PLIN4: variants seen among roughly 807,000 people sequenced by gnomAD.
The protein encoded by PLIN4 is perilipin-4.
Under a neutral mutation model 52.4 loss-of-function variants are expected in PLIN4, and 57 were observed. The ratio of observed to expected loss-of-function variants is 1.09; its 90% confidence interval spans 0.88 to 1.36. PLIN4 has a LOEUF of 1.36. PLIN4 is among the 40% of genes most tolerant of loss of function. The pLI is 0.00. For missense variants in PLIN4, 1,757 were observed against 1,770.3 expected (o/e 0.99, Z 0.13); for synonymous variants, 826 against 785.4 (o/e 1.05, Z -0.86).
rs1163861511 is a variant in PLIN4 at position 4,518,387 on chromosome 19, G to A, written c.-20C>T. ...AGCCTGAGCAGCCCGACACCCACCT[G>A]CAGGCCTGGCCTCACCCTGGTGTCA... On this transcript the variant is annotated splice_region_variant and 5_prime_UTR_variant, in exon 1 of 8. Transcript: ENST00000301286. 3 of 1,230,828 alleles carry A rather than the reference G, an allele frequency of 2.4e-6. No homozygotes were observed. The highest frequency in any genetic ancestry group is 3.0e-6 in the Non-Finnish European group (3 of 987,624). 76.2% of individuals were successfully genotyped at this position (1,230,828 alleles called of 1,614,324 possible).
At chr19:4,514,880 T>TA (rs74173009) in intron 4 of PLIN4, among the ~76,000 whole-genome samples, 1,839 of 140,616 alleles carry the variant, frequency 0.013, 48 homozygotes, top group African/African-American at 0.042. Context: ...ACCCCATCTT[T>TA]AAAAAAAAAA....
rs764366417 is a variant in PLIN4 at position 4,512,138 on chromosome 19, C to A, written c.1822G>T (p.Ala608Ser). The A allele has an allele frequency of 1.9e-6, 3 of 1,608,946 alleles. No homozygotes were observed. In the Admixed American group the frequency reaches 5.0e-5, roughly 27 times the overall value. The change falls in exon 5 of 8, where the codon GCA becomes TCA. Residue 608 changes from alanine to serine, a missense_variant. Physicochemically the swap from Ala to Ser is moderately conservative, Grantham distance 99. This residue lies in a region of PLIN4 where 439 missense variants were observed against 406.4 expected (regional missense o/e 1.08). Coordinates refer to ENST00000301286, the MANE Select transcript of PLIN4 (RefSeq NM_001367868.2). Reference protein sequence around the residue: ...KDTVTTGLVGAVNVAKGTVQT... With the variant: ...KDTVTTGLVGSVNVAKGTVQT... ...ACGGTCCCTTTGGCGACATTCACTG[C>A]CCCCACGAGCCCAGTAGTCACTGTG... is the stretch of plus-strand genomic sequence containing the variant.
In PLIN4 at chr19:4,511,455, C is replaced by T. The variant is rs760977812; in HGVS notation, c.2505G>A (p.Gly835=). Residue 835 remains glycine (G), a synonymous_variant, in exon 5 of 8, where the codon GGG becomes GGA. Coordinates refer to ENST00000301286, the MANE Select transcript of PLIN4 (RefSeq NM_001367868.2). ...LTGTKDTVCS[G]VTGAANVAKG... is the part of the protein sequence containing the mutation. The stretch of plus-strand genomic sequence containing the variant: ...TGGCCACGTTCGCAGCACCGGTGAC[C>T]CCACTGCAGACAGTGTCCTTGGTAC... The T allele has an allele frequency of 2.6e-6, 4 of 1,539,084 alleles. No individual in the cohort carries two copies. In the African/African-American group the frequency reaches 4.4e-5, roughly 17 times the overall value.
rs1227637312 is a variant in PLIN4, at chr19:4,502,907, T to C, written c.*1552A>G. 6.6e-6 allele frequency: 1 copy of C among 152,390 alleles called. No individual in the cohort carries two copies. Among genetic ancestry groups the C allele is most frequent in the East Asian group, 1.9e-4 (1 of 5,174 alleles). The allele number at this position is 152,390 out of a possible 1,614,324, so 9.4% of individuals were successfully genotyped here. A position where few individuals can be genotyped will look rare whatever the true frequency, so the allele number is the denominator to read the frequency against. Reference sequence around the variant, plus strand: ...AGGCTGTGGTGTGGCGGGAAGGGACTTCCTGAGCTGCGGCCCCATGCTTGG... The same window carrying C: ...AGGCTGTGGTGTGGCGGGAAGGGACCTCCTGAGCTGCGGCCCCATGCTTGG... On this transcript the variant is annotated 3_prime_UTR_variant, in exon 8 of 8. Coordinates refer to ENST00000301286, the MANE Select transcript of PLIN4 (RefSeq NM_001367868.2).
At chr19:4,517,324 G>A (rs886338199) in intron 3 of PLIN4, among the ~76,000 whole-genome samples, 4 of 448 alleles carry the variant, frequency 8.9e-3, no homozygotes, top group African/African-American at 0.038. Flanking sequence ...GGACTGAGTG[G>A]GGGGGCATTG....
chr19:4,505,798 C>G (rs1219127734), intron 6 of PLIN4, among the ~76,000 whole-genome samples: 1 of 152,040 alleles, frequency 6.6e-6, no homozygotes, highest in Non-Finnish European at 1.5e-5. Flanking sequence ...TATGCAGACG[C>G]GTCCCCTCGG....
At position 4,516,617 on chromosome 19, in the gene PLIN4, C is replaced by T. The variant is rs751185258; in HGVS notation, c.258G>A (p.Lys86=). Residue 86 remains lysine, a splice_region_variant and synonymous_variant, in exon 4 of 8, where the codon AAG becomes AAA. Transcript: ENST00000301286. ...WTEKELQPSE[K]MVSGAKDLVC... ...GACCCTGCCCTGCACATCCTCTCAC[C>T]TTTTCCGAAGGTTGCAGCTCCTTCT... 2 of 1,603,216 alleles carry T rather than the reference C, an allele frequency of 1.2e-6. No individual in the cohort carries two copies. Among genetic ancestry groups the T allele is most frequent in the Non-Finnish European group, 1.7e-6 (2 of 1,175,030 alleles).
At position 4,517,715 on chromosome 19, in the gene PLIN4, G is replaced by A. The variant is rs1314132518; in HGVS notation, c.52-17C>T. The A allele has an allele frequency of 8.9e-6, 14 of 1,571,128 alleles. No individual in the cohort carries two copies. The highest frequency in any genetic ancestry group is 1.0e-5 in the Non-Finnish European group (12 of 1,158,674). ...GCCCAGGGTCTGCATGGGGGCGGGG[G>A]GTGTGCAGGATGAGCAGGCCAAGCC... On this transcript the variant is annotated splice_polypyrimidine_tract_variant and intron_variant, in intron 2 of 7. Transcript: ENST00000301286.
chr19:4,517,596 TGG>T lies in PLIN4; in HGVS notation c.152_153del (p.Pro51HisfsTer67). Reference protein sequence around the residue: ...SSARARPAADPTGAPAAEAAQ... With the variant: ...SSARARPAADXTGAPAAEAAQ... ...GCAGCCTCGGCAGCAGGCGCTCCTGTGGGGTCAGCGGCCGGCCGGGCTCTCGC... is the reference window on the plus strand; with the variant it reads ...GCAGCCTCGGCAGCAGGCGCTCCTGTGGTCAGCGGCCGGCCGGGCTCTCGC... On this transcript the variant is annotated frameshift_variant, in exon 3 of 8. Coordinates refer to ENST00000301286, the MANE Select transcript of PLIN4 (RefSeq NM_001367868.2). LOFTEE classifies it high-confidence loss of function. 1 of 1,611,128 alleles carries T rather than the reference TGG, an allele frequency of 6.2e-7. No homozygotes were observed. Among genetic ancestry groups the T allele is most frequent in the Non-Finnish European group, 8.5e-7 (1 of 1,179,368 alleles).
At position 4,513,489 on chromosome 19, in the gene PLIN4, A is replaced by T. The variant is rs1326943706; in HGVS notation, c.471T>A (p.Gly157=). The T allele has an allele frequency of 1.2e-6, 2 of 1,611,964 alleles. No homozygotes were observed. The highest frequency in any genetic ancestry group is 1.7e-6 in the Non-Finnish European group (2 of 1,179,536). Residue 157 remains glycine, a synonymous_variant, in exon 5 of 8, where the codon GGT becomes GGA. Coordinates refer to ENST00000301286, the MANE Select transcript of PLIN4 (RefSeq NM_001367868.2). The stretch of plus-strand genomic sequence containing the variant: ...TGAGGACAGCCTTCGAGGTGTCCAG[A>T]CCCCCTTGGACGGCCCCCTTAGCCA... ...MDMAKGAVQG[G]LDTSKAVLTG...
Position 4,511,169 on chromosome 19 carries a change from C to T in PLIN4, c.2791G>A (p.Val931Ile), listed in dbSNP as rs115537722. Reference sequence around the variant, plus strand: ...ACGGCACCAGTGACTCCACTGCAGACGGTGTCCTTGGTACCGGTCAGGACA... The same window carrying T: ...ACGGCACCAGTGACTCCACTGCAGATGGTGTCCTTGGTACCGGTCAGGACA... Reference protein sequence around the residue: ...KTVLTGTKDTVCSGVTGAVNV... With the variant: ...KTVLTGTKDTICSGVTGAVNV... The change falls in exon 5 of 8, where the codon GTC (valine) becomes ATC (isoleucine). Residue 931 changes from valine (V) to isoleucine (I), a missense_variant. Around this residue, in one of 7 missense-constraint regions of PLIN4, gnomAD observed 712 missense variants for 637.1 expected, o/e 1.12. Coordinates refer to ENST00000301286, the MANE Select transcript of PLIN4 (RefSeq NM_001367868.2). The T allele has an allele frequency of 0.017, 27,129 of 1,612,546 alleles. 396 individuals carry two copies. The highest frequency in any genetic ancestry group is 0.045 in the South Asian group (4,086 of 90,948).
Position 4,504,371 on chromosome 19 carries a change from C to T in PLIN4, c.*88G>A, listed in dbSNP as rs2145240224. On this transcript the variant is annotated 3_prime_UTR_variant, in exon 8 of 8. Transcript: ENST00000301286. ...GGTCTAGGGCTTTAGGGAACCGATC[C>T]AGGTTTGGGGGCGGGGAGAAAGTTC... The T allele has an allele frequency of 2.3e-6, 3 of 1,304,698 alleles. No homozygotes were observed. Among genetic ancestry groups the T allele is most frequent in the African/African-American group, 1.5e-5 (1 of 67,296 alleles). The allele number at this position is 1,304,698 out of a possible 1,614,324, so 80.8% of individuals were successfully genotyped here.
In PLIN4 at chr19:4,511,437, G is replaced by C; in HGVS notation, c.2523C>G (p.Asn841Lys). 2.1e-6 allele frequency: 3 copies of C among 1,424,468 alleles called. No homozygotes were observed. The highest frequency in any genetic ancestry group is 2.8e-6 in the Non-Finnish European group (3 of 1,067,432). 88.2% of individuals were successfully genotyped at this position (1,424,468 alleles called of 1,614,324 possible). A position where few individuals can be genotyped will look rare whatever the true frequency, so the allele number is the denominator to read the frequency against. Residue 841 changes from asparagine (N) to lysine (K), a missense_variant, in exon 5 of 8, where the codon AAC (asparagine) becomes AAG (lysine). Asn to Lys is a moderately conservative substitution (Grantham distance 94, BLOSUM62 0). Around this residue, in one of 7 missense-constraint regions of PLIN4, gnomAD observed 76 missense variants for 109.1 expected, o/e 0.70. Transcript: ENST00000301286. ...CAGTTTGCACAGCACCCTTGGCCAC[G>C]TTCGCAGCACCGGTGACCCCACTGC... The part of the protein sequence containing the change: ...TVCSGVTGAA[N>K]VAKGAVQTGL...
rs1052135940 is a variant in PLIN4 at position 4,517,658 on chromosome 19, G to C, written c.92C>G (p.Ser31Cys). 3 of 1,605,010 alleles carry C rather than the reference G, an allele frequency of 1.9e-6. No homozygotes were observed. Among genetic ancestry groups the C allele is most frequent in the Non-Finnish European group, 2.5e-6 (3 of 1,176,486 alleles). The change falls in exon 3 of 8, where the codon TCT (serine) becomes TGT (cysteine). Residue 31 changes from serine to cysteine, a missense_variant. Around this residue, in one of 7 missense-constraint regions of PLIN4, gnomAD observed 332 missense variants for 310.8 expected, o/e 1.07. Transcript: ENST00000301286. Reference sequence around the variant, plus strand: ...TGCGTTGGCCACCAGGTTCCGGGCAGAGCTGAAGCCAGGCAGGGACCCAAA... The same window carrying C: ...TGCGTTGGCCACCAGGTTCCGGGCACAGCTGAAGCCAGGCAGGGACCCAAA... ...SFFGSLPGFS[S>C]ARNLVANAHS...
At chr19:4,506,245 C>A (rs747029721) in intron 6 of PLIN4, among the ~76,000 whole-genome samples, 1 of 152,194 alleles carries the variant, frequency 6.6e-6, no homozygotes, top group African/African-American at 2.4e-5. Context: ...CCTCCTCACT[C>A]GGCTCCAGCC....
In PLIN4 at chr19:4,504,469, C is replaced by T. The variant is rs1351581164; in HGVS notation, c.4106G>A (p.Gly1369Asp). The T allele has an allele frequency of 6.3e-7, 1 of 1,577,034 alleles. No homozygotes were observed. Among genetic ancestry groups the T allele is most frequent in the Non-Finnish European group, 8.6e-7 (1 of 1,159,204 alleles). ...TGCAGGCTCCTACAGCTACTGCCCG[C>T]CAGCGGGCAAGGCGAAGGGCCCTAC... is the stretch of plus-strand genomic sequence containing the variant. ...WLVGPFALPA[G>D]GQ The change falls in exon 8 of 8, where the codon GGC becomes GAC. Residue 1369 changes from glycine (G) to aspartate (D), a missense_variant. By Grantham distance (94) the Gly-to-Asp change is moderately conservative. Transcript: ENST00000301286.
intron 6 of PLIN4, among the ~76,000 whole-genome samples, chr19:4,506,370 C>T (rs369521980): frequency 2.0e-5 from 3 of 152,318 alleles, no homozygotes; most frequent in Admixed American, 6.5e-5. Context: ...CGCACTCCCT[C>T]TCTGTCATTT....
intron 4 of PLIN4, among the ~76,000 whole-genome samples, chr19:4,516,089 A>G (rs1343100463): frequency 1.5e-5 from 2 of 134,350 alleles, no homozygotes; most frequent in African/African-American, 8.1e-5. Flanking sequence ...AGCCTGGTGA[A>G]ACCAACATGG....
chr19:4,517,630 A>G lies in PLIN4; in HGVS notation c.120T>C (p.His40=), dbSNP rs1976623352. 2 of 1,609,524 alleles carry G rather than the reference A, an allele frequency of 1.2e-6. No homozygotes were observed. The highest frequency in any genetic ancestry group is 1.7e-6 in the Non-Finnish European group (2 of 1,178,644). Residue 40 remains histidine, a synonymous_variant, in exon 3 of 8, where the codon CAT becomes CAC. Coordinates refer to ENST00000301286, the MANE Select transcript of PLIN4 (RefSeq NM_001367868.2). ...CGGCCGGCCGGGCTCTCGCCGAGCT[A>G]TGTGCGTTGGCCACCAGGTTCCGGG... is the stretch of plus-strand genomic sequence containing the variant. ...SSARNLVANA[H]SSARARPAAD...
Sources: gnomAD v4.1 joint callset for allele counts (sites outside exome capture counted in the v4.1 genomes callset) on GRCh38, gnomAD v4.1.1 for gene constraint, gnomAD v4.1.1 regional missense constraint, MANE v1.5 for transcripts, NCBI Gene and HGNC (gene_info 2026-07-23, HGNC 2026-07-21) for gene names.